Variants in GPC5 observed in about 807,000 individuals in gnomAD.
GPC5 encodes glypican 5.
A neutral mutation model predicts 53.9 loss-of-function variants in GPC5; 47 were observed. That is an observed-to-expected ratio of 0.87 (90% CI 0.69 to 1.11). The LOEUF is 1.11. Ranked by LOEUF, GPC5 falls within the 50% of genes most tolerant of loss-of-function variation. The probability of loss-of-function intolerance (pLI) is 0.00; values close to 1 mark genes in which losing one functional copy is unlikely to be tolerated. For missense variants in GPC5, 748 were observed against 713.1 expected (o/e 1.05, Z -0.56); for synonymous variants, 286 against 263.3 (o/e 1.09, Z -0.84).
At chr13:91,815,366 A>G (rs2038383464) in intron 5 of GPC5, among the ~76,000 whole-genome samples, 1 of 151,934 alleles carries the variant, frequency 6.6e-6, no homozygotes, top group African/African-American at 2.4e-5. Flanking sequence ...AAAGTCAGAG[A>G]CCACAGCCAA....
chr13:92,844,892 A>C (rs1162578761), intron 7 of GPC5, among the ~76,000 whole-genome samples: 1 of 152,198 alleles, frequency 6.6e-6, no homozygotes, highest in Non-Finnish European at 1.5e-5. Context: ...CTGGAACTCT[A>C]GAGAGCAAGA....
intron 7 of GPC5, among the ~76,000 whole-genome samples, chr13:92,621,937 C>A (rs1884882732): frequency 6.6e-6 from 1 of 152,090 alleles, no homozygotes; most frequent in Non-Finnish European, 1.5e-5. Context: ...ACAACAAAAA[C>A]AACAATAATA....
At chr13:92,292,558 T>G (rs771231020) in intron 7 of GPC5, among the ~76,000 whole-genome samples, 2 of 152,206 alleles carry the variant, frequency 1.3e-5, no homozygotes, top group Admixed American at 6.5e-5. Context: ...TCATTGTAGA[T>G]TCTAGATACT....
intron 2 of GPC5, among the ~76,000 whole-genome samples, chr13:91,489,017 C>A (rs142909914): frequency 6.6e-6 from 1 of 152,132 alleles, no homozygotes; most frequent in Non-Finnish European, 1.5e-5. Flanking sequence ...CTTATTAGGC[C>A]GAGGAAATTC....
chr13:91,547,966 T>C (rs1331118612), intron 2 of GPC5, among the ~76,000 whole-genome samples: 1 of 152,124 alleles, frequency 6.6e-6, no homozygotes, highest in Non-Finnish European at 1.5e-5. Context: ...AGGAATTTCC[T>C]CAACTTGATA....
intron 6 of GPC5, among the ~76,000 whole-genome samples, chr13:91,960,544 T>C (rs2040117295): frequency 1.3e-5 from 2 of 151,878 alleles, no homozygotes; most frequent in Admixed American, 1.3e-4. Context: ...TCATTTTACA[T>C]AGAAATAGAA....
chr13:91,982,194 A>T (rs1416233708), intron 6 of GPC5, among the ~76,000 whole-genome samples: 1 of 152,246 alleles, frequency 6.6e-6, no homozygotes, highest in Non-Finnish European at 1.5e-5. Flanking sequence ...TGAGACTGTT[A>T]TAAGGGACTA....
chr13:91,498,405 T>A (rs555066170), intron 2 of GPC5, among the ~76,000 whole-genome samples: 1 of 152,108 alleles, frequency 6.6e-6, no homozygotes, highest in African/African-American at 2.4e-5. Flanking sequence ...GCAACCTGTC[T>A]TGTGGGCTGG....
In GPC5 at chr13:92,081,171, C is replaced by CGATCA. The variant is rs1410901668; in HGVS notation, c.1402-63658_1402-63654dup. The stretch of plus-strand genomic sequence containing the variant: ...TCTCCCAGGCTGGAGTGGAGTGGCA[C>CGATCA]GATCACTGCAACTTCCGCCTCCCGG... On this transcript the variant is annotated intron_variant, in intron 6 of 7. Transcript: ENST00000377067. 8.5e-5 allele frequency among the ~76,000 whole-genome samples: 13 copies of CGATCA among 152,116 alleles called. No homozygotes were observed. The East Asian group carries it at 2.5e-3, about 29-fold the overall frequency.
chr13:92,113,418 G>A (rs902561083), intron 6 of GPC5, among the ~76,000 whole-genome samples: 4 of 152,054 alleles, frequency 2.6e-5, no homozygotes, highest in Non-Finnish European at 5.9e-5. Flanking sequence ...TTTATAAACA[G>A]CACTAAAGCT....
At chr13:91,686,295 A>T (rs906915025) in intron 2 of GPC5, among the ~76,000 whole-genome samples, 1 of 152,026 alleles carries the variant, frequency 6.6e-6, no homozygotes, top group Non-Finnish European at 1.5e-5. Flanking sequence ...GAGGGAAATG[A>T]GGGAGGAAGA....
chr13:92,527,166 AAGAAAGAG>A (rs1566276715), intron 7 of GPC5, among the ~76,000 whole-genome samples: 2 of 126,636 alleles, frequency 1.6e-5, no homozygotes, highest in East Asian at 4.4e-4. Context: ...GAAAGAAAGA[AAGAAAGAG>A]AAAGAAAGAA....
intron 7 of GPC5, among the ~76,000 whole-genome samples, chr13:92,859,704 G>A (rs1879117606): frequency 6.6e-6 from 1 of 151,882 alleles, no homozygotes; most frequent in African/African-American, 2.4e-5. Context: ...ATGCAAAAAT[G>A]ACCTTTTAAA....
At position 92,549,387 on chromosome 13, in the gene GPC5, T is replaced by A. The variant is rs556881063; in HGVS notation, c.1562-316895T>A. ...CTTTATTTCCTCTTTTTAAAAATTA[T>A]CTTTGGCTGAAGTTAATAATTCACA... On this transcript the variant is annotated intron_variant, in intron 7 of 7. Transcript: ENST00000377067. Among the ~76,000 whole-genome samples the A allele has an allele frequency of 2.1e-4, 32 of 152,260 alleles. No individual in the cohort carries two copies. In the South Asian group the frequency reaches 6.2e-3, roughly 30 times the overall value.
intron 7 of GPC5, among the ~76,000 whole-genome samples, chr13:92,359,521 G>A (rs2043548782): frequency 6.6e-6 from 1 of 151,522 alleles, no homozygotes; most frequent in Non-Finnish European, 1.5e-5. Context: ...CCCACTCCCA[G>A]TACCAATGTT....
chr13:92,176,616 A>C (rs1003312442), intron 7 of GPC5, among the ~76,000 whole-genome samples: 1 of 152,124 alleles, frequency 6.6e-6, no homozygotes, highest in African/African-American at 2.4e-5. Flanking sequence ...AATGGCTTTT[A>C]GATTTCTAAG....
At chr13:92,527,503 A>G (rs1011156257) in intron 7 of GPC5, among the ~76,000 whole-genome samples, 4 of 152,060 alleles carry the variant, frequency 2.6e-5, no homozygotes, top group African/African-American at 7.2e-5. Context: ...TGGAAAAACA[A>G]AGGTCACCGG....
rs563880580 is a variant in GPC5, at chr13:91,827,514, A to C, written c.1280+71094A>C. On this transcript the variant is annotated intron_variant, in intron 5 of 7. Coordinates refer to ENST00000377067, the MANE Select transcript of GPC5 (RefSeq NM_004466.6). ...AGAAGAACAAAGGACATGAACAGAC[A>C]CTTAGATCATAAAGGAAGATATATG... Among the ~76,000 whole-genome samples the C allele has an allele frequency of 5.3e-5, 8 of 152,084 alleles. No individual in the cohort carries two copies. In the South Asian group the frequency reaches 1.7e-3, roughly 31 times the overall value.
rs1248788974 is a variant in GPC5 at position 91,756,355 on chromosome 13, T to C, written c.1215T>C (p.Leu405=). 3.8e-6 allele frequency: 6 copies of C among 1,596,220 alleles called. No individual in the cohort carries two copies. Among genetic ancestry groups the C allele is most frequent in the Non-Finnish European group, 5.1e-6 (6 of 1,167,004 alleles). ...RSFYGGLADQ[L]CANELAAADG... ...TCTATGGAGGTCTAGCTGATCAGCT[T>C]TGTGCTAATGAATTAGCTGCTGCAG... Residue 405 remains leucine (L), a synonymous_variant, in exon 5 of 8, where the codon CTT becomes CTC. Coordinates refer to ENST00000377067, the MANE Select transcript of GPC5 (RefSeq NM_004466.6).
Sources: allele counts gnomAD v4.1 joint callset (sites outside exome capture counted in the v4.1 genomes callset), GRCh38; gene constraint gnomAD v4.1.1; transcripts MANE v1.5; gene names NCBI Gene and HGNC (gene_info 2026-07-23, HGNC 2026-07-21).